The following FHOD3 variants were observed in gnomAD, a reference collection of about 807,000 sequenced individuals.
FHOD3 encodes FH1/FH2 domain-containing protein 3.
A neutral mutation model predicts 173.0 loss-of-function variants in FHOD3; 90 were observed. The ratio of observed to expected loss-of-function variants is 0.52; its 90% confidence interval spans 0.44 to 0.62. FHOD3 has a LOEUF of 0.62. Among genes scored for constraint, FHOD3 ranks in the 20% least tolerant of loss-of-function variants. The pLI is 0.00. For missense variants in FHOD3, 1,945 were observed against 2,034.7 expected (o/e 0.96, Z 0.85); for synonymous variants, 828 against 823.0 (o/e 1.01, Z -0.10).
chr18:36,611,311 C>T (rs781406400), intron 8 of FHOD3, among the ~76,000 whole-genome samples: 19 of 152,212 alleles, frequency 1.2e-4, no homozygotes, highest in Non-Finnish European at 7.3e-5. Flanking sequence ...CATGTATCAT[C>T]TCACAGCTTC....
rs760492283 is a variant in FHOD3 at position 36,576,514 on chromosome 18, T to G, written c.575T>G (p.Ile192Ser). ...MNGVINRNET[I>S]QWLYTLIGSK... ...GGAGTAATAAACCGCAATGAAACCA[T>G]TCAGTGGCTGTACACTCTCATTGGG... The change falls in exon 6 of 29, where the codon ATT becomes AGT. Residue 192 changes from isoleucine (I) to serine (S), a missense_variant. Ile to Ser is a moderately radical substitution (Grantham distance 142). Around this residue, in one of 5 missense-constraint regions of FHOD3, gnomAD observed 245 missense variants for 267.7 expected, o/e 0.92. Transcript: ENST00000590592. 42 of 1,613,724 alleles carry G rather than the reference T, an allele frequency of 2.6e-5. No homozygotes were observed. The highest frequency in any genetic ancestry group is 3.4e-5 in the Non-Finnish European group (40 of 1,179,890).
At chr18:36,311,054 A>G (rs532607561) in intron 1 of FHOD3, among the ~76,000 whole-genome samples, 2 of 152,334 alleles carry the variant, frequency 1.3e-5, no homozygotes, top group East Asian at 3.9e-4. Context: ...AAGAGGAAAG[A>G]CAGACAGGAA....
At chr18:36,328,559 C>G (rs2044801329) in intron 1 of FHOD3, among the ~76,000 whole-genome samples, 1 of 152,106 alleles carries the variant, frequency 6.6e-6, no homozygotes, top group African/African-American at 2.4e-5. Flanking sequence ...GAGTTTTGAG[C>G]AGCAGAGTGT....
chr18:36,537,271 CCA>C (rs2057034250), intron 5 of FHOD3, among the ~76,000 whole-genome samples: 1 of 152,230 alleles, frequency 6.6e-6, no homozygotes, highest in African/African-American at 2.4e-5. Flanking sequence ...GCCACATACT[CCA>C]GTTTTCCAGC....
At chr18:36,413,353 C>T (rs2049457364) in intron 3 of FHOD3, among the ~76,000 whole-genome samples, 1 of 152,142 alleles carries the variant, frequency 6.6e-6, no homozygotes, top group South Asian at 2.1e-4. Context: ...TGTGGCCCCT[C>T]CCAGAGGTTT....
intron 1 of FHOD3, among the ~76,000 whole-genome samples, chr18:36,309,487 G>T (rs762036397): frequency 6.6e-6 from 1 of 152,280 alleles, no homozygotes; most frequent in Admixed American, 6.5e-5. Context: ...TCAGGTGATG[G>T]TGCTCACCTT....
At chr18:36,480,193 C>A (rs564989844) in intron 3 of FHOD3, among the ~76,000 whole-genome samples, 1 of 152,318 alleles carries the variant, frequency 6.6e-6, no homozygotes, top group Admixed American at 6.5e-5. Context: ...GTCCACATAC[C>A]TTTTCCTCCT....
intron 19 of FHOD3, among the ~76,000 whole-genome samples, chr18:36,719,326 G>C (rs924594392): frequency 2.6e-5 from 4 of 152,200 alleles, no homozygotes; most frequent in Non-Finnish European, 5.9e-5. Flanking sequence ...CACTGCTGCT[G>C]TGATAGTAAC....
intron 4 of FHOD3, among the ~76,000 whole-genome samples, chr18:36,503,098 C>T (rs897044201): frequency 1.3e-5 from 2 of 152,092 alleles, no homozygotes; most frequent in East Asian, 3.9e-4. Flanking sequence ...AGTATCGTTG[C>T]CTCCTAAACC....
intron 1 of FHOD3, among the ~76,000 whole-genome samples, chr18:36,325,082 A>G (rs1288731266): frequency 2.6e-5 from 4 of 152,252 alleles, no homozygotes; most frequent in African/African-American, 7.2e-5. Flanking sequence ...AGGAGAGTAC[A>G]TAATGCACAT....
chr18:36,507,778 CT>C (rs1432486493), intron 4 of FHOD3, among the ~76,000 whole-genome samples: 1 of 152,188 alleles, frequency 6.6e-6, no homozygotes, highest in African/African-American at 2.4e-5. Context: ...CTTCTTCACC[CT>C]CCATTATGTC....
At chr18:36,688,429 T>G (rs941268645) in intron 16 of FHOD3, among the ~76,000 whole-genome samples, 1 of 152,234 alleles carries the variant, frequency 6.6e-6, no homozygotes, top group African/African-American at 2.4e-5. Context: ...GATGCTTAGA[T>G]CAACCTCTTA....
chr18:36,391,808 C>A (rs896373509), intron 3 of FHOD3, among the ~76,000 whole-genome samples: 1 of 152,146 alleles, frequency 6.6e-6, no homozygotes, highest in Admixed American at 6.5e-5. Flanking sequence ...CTGCTGGTGG[C>A]TTTCCAGACA....
chr18:36,316,488 T>C (rs2044128186), intron 1 of FHOD3, among the ~76,000 whole-genome samples: 1 of 152,256 alleles, frequency 6.6e-6, no homozygotes, highest in Admixed American at 6.5e-5. Flanking sequence ...CGAGGTCACC[T>C]CTTGTCCTTT....
intron 2 of FHOD3, among the ~76,000 whole-genome samples, chr18:36,358,323 T>G (rs988136414): frequency 1.3e-5 from 2 of 152,254 alleles, no homozygotes; most frequent in African/African-American, 4.8e-5. Flanking sequence ...GAAACAGCTT[T>G]GCTGCCATCA....
At chr18:36,477,013 G>A (rs2053609520) in intron 3 of FHOD3, among the ~76,000 whole-genome samples, 1 of 152,232 alleles carries the variant, frequency 6.6e-6, no homozygotes, top group African/African-American at 2.4e-5. Flanking sequence ...ACAACTTGGT[G>A]TGCTGTGAGA....
At chr18:36,360,338 G>A (rs1475105066) in intron 2 of FHOD3, among the ~76,000 whole-genome samples, 1 of 152,186 alleles carries the variant, frequency 6.6e-6, no homozygotes, top group African/African-American at 2.4e-5. Flanking sequence ...GTAACTTGGG[G>A]CGTTCACCTT....
chr18:36,379,228 G>A (rs1340161271), intron 3 of FHOD3, among the ~76,000 whole-genome samples: 1 of 152,182 alleles, frequency 6.6e-6, no homozygotes. Context: ...GGATAGGGCT[G>A]GAAGCTCAGG....
chr18:36,609,877 G>A (rs2032491616), intron 8 of FHOD3, among the ~76,000 whole-genome samples: 1 of 152,132 alleles, frequency 6.6e-6, no homozygotes, highest in Admixed American at 6.5e-5. Flanking sequence ...CCCCAAAAGT[G>A]TTGGAGTTAC....
Sources: allele counts gnomAD v4.1 joint callset (sites outside exome capture counted in the v4.1 genomes callset), GRCh38; gene constraint gnomAD v4.1.1; regional missense constraint gnomAD v4.1.1; transcripts MANE v1.5; gene names NCBI Gene and HGNC (gene_info 2026-07-23, HGNC 2026-07-21).